Variants in C3orf70 observed in about 807,000 individuals in gnomAD.
C3orf70 encodes UPF0524 protein C3orf70.
C3orf70 carries 15 observed loss-of-function variants against 20.7 expected under a neutral mutation model. The observed-to-expected ratio is 0.72, with a 90% CI of 0.48 to 1.11. The LOEUF (loss-of-function observed/expected upper bound fraction) is 1.11. Ranked by LOEUF, C3orf70 falls within the 50% of genes most tolerant of loss-of-function variation. The pLI, the probability that C3orf70 is intolerant of heterozygous loss-of-function variation, is 0.00. For synonymous variants in C3orf70, 161 were observed against 125.7 expected (o/e 1.28, Z -1.88); for missense variants, 332 against 317.6 (o/e 1.05, Z -0.34).
chr3:185,146,116 C>T (rs1237066394), intron 1 of C3orf70, among the ~76,000 whole-genome samples: 1 of 151,996 alleles, frequency 6.6e-6, no homozygotes, highest in Non-Finnish European at 1.5e-5. Flanking sequence ...TTCTCTATCT[C>T]TGGAAGAACC....
At chr3:185,097,107 A>T (rs1715725830) in intron 1 of C3orf70, among the ~76,000 whole-genome samples, 1 of 152,064 alleles carries the variant, frequency 6.6e-6, no homozygotes, top group Admixed American at 6.6e-5. Context: ...TGTGGTTTCC[A>T]TCTCTTGTTT....
In C3orf70 at chr3:185,135,827, T is replaced by G. The variant is rs75959796; in HGVS notation, c.196+16801A>C. Among the ~76,000 whole-genome samples, 1,039 of 151,004 alleles carry G rather than the reference T, an allele frequency of 6.9e-3. 12 individuals are homozygous for G. Among genetic ancestry groups the G allele is most frequent in the African/African-American group, 0.024 (977 of 41,120 alleles). On this transcript the variant is annotated intron_variant, in intron 1 of 1. Transcript: ENST00000335012. Reference sequence around the variant, plus strand: ...TTTAAAGAGATACACAAAGAAGACATTCAAAAATATTAGAGATAATTCAAA... The same window carrying G: ...TTTAAAGAGATACACAAAGAAGACAGTCAAAAATATTAGAGATAATTCAAA...
chr3:185,083,661 T>G, intron 1 of C3orf70, 98 bp from the exon 2 acceptor site: 1 of 997,616 alleles, frequency 1.0e-6, no homozygotes, highest in Non-Finnish European at 1.4e-6. Flanking sequence ...TAAAAATATT[T>G]CAGTAACACC....
intron 1 of C3orf70, among the ~76,000 whole-genome samples, chr3:185,137,478 A>T (rs1716652005): frequency 6.6e-6 from 1 of 152,224 alleles, no homozygotes; most frequent in Non-Finnish European, 1.5e-5. Flanking sequence ...CACTTCATCC[A>T]ACAACAGCAG....
rs570306122 is a variant in C3orf70 at position 185,105,296 on chromosome 3, G to A, written c.197-21733C>T. Among the ~76,000 whole-genome samples the A allele has an allele frequency of 1.3e-3, 204 of 152,344 alleles. 2 individuals carry two copies. The highest frequency in any genetic ancestry group is 4.4e-3 in the African/African-American group (185 of 41,590). On this transcript the variant is annotated intron_variant, in intron 1 of 1. Coordinates refer to ENST00000335012, the MANE Select transcript of C3orf70 (RefSeq NM_001025266.3). Reference sequence around the variant, plus strand: ...GCAGCACTGTGACATGTTCATGATGGTCATAACACCCATGCTGGAAGGTTG... The same window carrying A: ...GCAGCACTGTGACATGTTCATGATGATCATAACACCCATGCTGGAAGGTTG...
chr3:185,134,379 A>G (rs1183431814), intron 1 of C3orf70, among the ~76,000 whole-genome samples: 1 of 152,214 alleles, frequency 6.6e-6, no homozygotes, highest in African/African-American at 2.4e-5. Context: ...TACCTTAGAC[A>G]TTACATATAA....
At chr3:185,133,557 T>C (rs1404210884) in intron 1 of C3orf70, among the ~76,000 whole-genome samples, 4 of 151,218 alleles carry the variant, frequency 2.6e-5, no homozygotes, top group Non-Finnish European at 5.9e-5. Flanking sequence ...AGCCTGGCCA[T>C]CACAGCAAAA....
chr3:185,097,601 T>C (rs1715735055), intron 1 of C3orf70, among the ~76,000 whole-genome samples: 1 of 152,128 alleles, frequency 6.6e-6, no homozygotes, highest in African/African-American at 2.4e-5. Flanking sequence ...AGCAGCTAGG[T>C]GACAGTAACA....
At chr3:185,126,250 T>C (rs1305650010) in intron 1 of C3orf70, among the ~76,000 whole-genome samples, 1 of 152,176 alleles carries the variant, frequency 6.6e-6, no homozygotes, top group African/African-American at 2.4e-5. Context: ...TATCAAACGA[T>C]ATAGTGTCTA....
intron 1 of C3orf70, among the ~76,000 whole-genome samples, chr3:185,093,551 C>T (rs1420249148): frequency 6.6e-6 from 1 of 151,998 alleles, no homozygotes; most frequent in African/African-American, 2.4e-5. Flanking sequence ...TAGAATGCAT[C>T]CCCCTTACAA....
intron 1 of C3orf70, among the ~76,000 whole-genome samples, chr3:185,147,034 G>C (rs1016260467): frequency 2.0e-5 from 3 of 152,146 alleles, no homozygotes; most frequent in Non-Finnish European, 4.4e-5. Context: ...CATCTTCTCT[G>C]AACAGTCTTG....
chr3:185,092,369 GTT>G (rs1248325861), intron 1 of C3orf70, among the ~76,000 whole-genome samples: 1 of 152,064 alleles, frequency 6.6e-6, no homozygotes, highest in African/African-American at 2.4e-5. Flanking sequence ...CCATTCCTGA[GTT>G]TCTGGTACCC....
At position 185,082,893 on chromosome 3, in the gene C3orf70, T is replaced by C. The variant is rs549148730; in HGVS notation, c.*114A>G. 6.6e-5 allele frequency: 67 copies of C among 1,009,926 alleles called. No individual in the cohort carries two copies. Among genetic ancestry groups the C allele is most frequent in the Middle Eastern group, 3.3e-4 (1 of 3,004 alleles). The allele number at this position is 1,009,926 out of a possible 1,614,324, so 62.6% of individuals were successfully genotyped here. A position where few individuals can be genotyped will look rare whatever the true frequency, so the allele number is the denominator to read the frequency against. On this transcript the variant is annotated 3_prime_UTR_variant, in exon 2 of 2. Coordinates refer to ENST00000335012, the MANE Select transcript of C3orf70 (RefSeq NM_001025266.3). ...ACCACTGAACTGCTACGGTTGTTGG[T>C]TGGAGCGGGGCGGGGTGGGTAGAAA...
chr3:185,110,407 G>A (rs186819992), intron 1 of C3orf70, among the ~76,000 whole-genome samples: 1 of 152,342 alleles, frequency 6.6e-6, no homozygotes, highest in African/African-American at 2.4e-5. Context: ...AATGACGATT[G>A]TGCTTTTAAT....
chr3:185,122,767 C>T (rs1269934444), intron 1 of C3orf70, among the ~76,000 whole-genome samples: 1 of 152,102 alleles, frequency 6.6e-6, no homozygotes, highest in African/African-American at 2.4e-5. Flanking sequence ...CAAGCATCAT[C>T]CAACTGGCTG....
intron 1 of C3orf70, among the ~76,000 whole-genome samples, chr3:185,124,297 T>C (rs535788028): frequency 6.6e-6 from 1 of 152,282 alleles, no homozygotes; most frequent in East Asian, 1.9e-4. Context: ...CTTTCCAAAT[T>C]GATACACAAA....
chr3:185,123,823 C>G (rs2108600095), intron 1 of C3orf70, among the ~76,000 whole-genome samples: 2 of 152,270 alleles, frequency 1.3e-5, no homozygotes, highest in Non-Finnish European at 2.9e-5. Flanking sequence ...AATCCCACTT[C>G]TAAATGTAAA....
chr3:185,096,677 C>G (rs1053550362), intron 1 of C3orf70, among the ~76,000 whole-genome samples: 3 of 152,154 alleles, frequency 2.0e-5, no homozygotes, highest in Non-Finnish European at 4.4e-5. Flanking sequence ...GAGGTCTGCT[C>G]CAGCCATGCA....
Position 185,152,819 on chromosome 3 carries a change from C to T in C3orf70, c.5G>A (p.Ser2Asn), listed in dbSNP as rs374173126. The change falls in exon 1 of 2, where the codon AGT becomes AAT. Residue 2 changes from serine to asparagine, a missense_variant. Coordinates refer to ENST00000335012, the MANE Select transcript of C3orf70 (RefSeq NM_001025266.3). Reference sequence around the variant, plus strand: ...CTCCGACGCCGGCGAGGCCGCCGCACTCATTTCCTCTCCCTCCGCGCGGAG... The same window carrying T: ...CTCCGACGCCGGCGAGGCCGCCGCATTCATTTCCTCTCCCTCCGCGCGGAG... M[S>N]AAASPASERG... is the part of the protein sequence containing the mutation. 118 of 1,548,060 alleles carry T rather than the reference C, an allele frequency of 7.6e-5. No homozygotes were observed. The Admixed American group carries it at 9.2e-4, about 12-fold the overall frequency.
Sources: gnomAD v4.1 joint callset for allele counts (sites outside exome capture counted in the v4.1 genomes callset) on GRCh38, gnomAD v4.1.1 for gene constraint, MANE v1.5 for transcripts, NCBI Gene and HGNC (gene_info 2026-07-23, HGNC 2026-07-21) for gene names.